Variants in KCNT2 observed in about 807,000 individuals in gnomAD.
KCNT2 encodes the protein potassium channel subfamily T member 2.
In KCNT2, 67 loss-of-function variants were observed where a neutral mutation model predicts 153.8. The observed-to-expected ratio is 0.44, with a 90% CI of 0.36 to 0.53. The LOEUF is 0.53. KCNT2 is among the 20% of genes least tolerant of loss of function. The pLI is 0.00. For missense variants in KCNT2, 975 were observed against 1,354.8 expected, an observed-to-expected ratio of 0.72 and a Z score of 4.40; for synonymous variants, 500 against 458.8, an observed-to-expected ratio of 1.09 and a Z score of -1.15.
intron 1 of KCNT2, among the ~76,000 whole-genome samples, chr1:196,568,393 C>G (rs1481265455): frequency 6.6e-6 from 1 of 151,816 alleles, no homozygotes; most frequent in Admixed American, 6.6e-5. Flanking sequence ...GGAGATCGAG[C>G]CCATCCTGGC....
intron 8 of KCNT2, among the ~76,000 whole-genome samples, chr1:196,443,142 A>T (rs1160397363): frequency 6.6e-6 from 1 of 151,612 alleles, no homozygotes; most frequent in Non-Finnish European, 1.5e-5. Flanking sequence ...GGATTGCTCA[A>T]AAGAATGAGC....
At chr1:196,535,413 G>A (rs1054566674) in intron 1 of KCNT2, among the ~76,000 whole-genome samples, 2 of 152,164 alleles carry the variant, frequency 1.3e-5, no homozygotes, top group Non-Finnish European at 2.9e-5. Context: ...CAAGATGCCT[G>A]GATCTGCTAA....
chr1:196,508,189 CAAAAAA>C (rs10539910), intron 1 of KCNT2, among the ~76,000 whole-genome samples: 7 of 59,976 alleles, frequency 1.2e-4, no homozygotes, highest in African/African-American at 4.8e-4. Context: ...CCCTAAGTAG[CAAAAAA>C]AAAAAAAAAA....
intron 25 of KCNT2, among the ~76,000 whole-genome samples, chr1:196,269,159 T>C (rs974599226): frequency 3.9e-5 from 6 of 152,166 alleles, no homozygotes; most frequent in Non-Finnish European, 7.3e-5. Context: ...ATGGAATTAA[T>C]GTAAGTGTGA....
intron 1 of KCNT2, among the ~76,000 whole-genome samples, chr1:196,496,909 C>A (rs1680305454): frequency 6.6e-6 from 1 of 152,188 alleles, no homozygotes; most frequent in Admixed American, 6.5e-5. Flanking sequence ...AATGTGCAAA[C>A]TGCACACAGA....
intron 1 of KCNT2, among the ~76,000 whole-genome samples, chr1:196,566,309 G>C (rs569031716): frequency 5.8e-4 from 88 of 152,104 alleles, no homozygotes; most frequent in African/African-American, 2.0e-3. Flanking sequence ...GAATAAAGCA[G>C]TTTGAGTGAT....
chr1:196,419,517 C>A (rs1021717443), intron 12 of KCNT2, among the ~76,000 whole-genome samples: 1 of 151,572 alleles, frequency 6.6e-6, no homozygotes, highest in African/African-American at 2.4e-5. Flanking sequence ...ATGAACTCAT[C>A]ATTCTTTATG....
At chr1:196,329,455 A>T (rs916523819) in intron 18 of KCNT2, among the ~76,000 whole-genome samples, 1 of 152,028 alleles carries the variant, frequency 6.6e-6, no homozygotes, top group African/African-American at 2.4e-5. Flanking sequence ...TTAGCTTTTC[A>T]GTTAGATTGG....
chr1:196,563,338 T>G (rs1000554618), intron 1 of KCNT2, among the ~76,000 whole-genome samples: 1 of 150,150 alleles, frequency 6.7e-6, no homozygotes, highest in Non-Finnish European at 1.5e-5. Context: ...TGTTGGGGAG[T>G]GACTGTGTTA....
intron 1 of KCNT2, among the ~76,000 whole-genome samples, chr1:196,605,386 G>T (rs1665203777): frequency 6.6e-6 from 1 of 152,194 alleles, no homozygotes; most frequent in Non-Finnish European, 1.5e-5. Context: ...TGGACACAGT[G>T]TAGAACATGC....
chr1:196,480,855 C>CAAAAAAAAA (rs372270510), intron 4 of KCNT2, among the ~76,000 whole-genome samples: 7 of 26,904 alleles, frequency 2.6e-4, no homozygotes, highest in South Asian at 2.5e-3. Flanking sequence ...GACTTCGTCT[C>CAAAAAAAAA]AAAAAAAAAA....
chr1:196,416,609 T>C (rs1358589820), intron 12 of KCNT2, among the ~76,000 whole-genome samples: 1 of 152,020 alleles, frequency 6.6e-6, no homozygotes, highest in African/African-American at 2.4e-5. Context: ...CCAACAGCTG[T>C]TGAGTTCTAC....
intron 17 of KCNT2, among the ~76,000 whole-genome samples, chr1:196,332,968 A>G (rs986541751): frequency 6.6e-6 from 1 of 151,804 alleles, no homozygotes; most frequent in Non-Finnish European, 1.5e-5. Context: ...TATTTTTAGT[A>G]AAGTTTGAGA....
At chr1:196,537,955 C>T (rs2148865163) in intron 1 of KCNT2, among the ~76,000 whole-genome samples, 1 of 152,278 alleles carries the variant, frequency 6.6e-6, no homozygotes, top group East Asian at 1.9e-4. Flanking sequence ...AGCTGGGCCT[C>T]CAGGTGCCCT....
intron 21 of KCNT2, among the ~76,000 whole-genome samples, chr1:196,314,256 A>T (rs1163425113): frequency 1.3e-5 from 2 of 151,564 alleles, no homozygotes; most frequent in African/African-American, 2.4e-5. Flanking sequence ...AATTAAAAAG[A>T]CCTAGGATCC....
At chr1:196,328,946 CAGAA>C (rs1449363540) in intron 18 of KCNT2, among the ~76,000 whole-genome samples, 2 of 152,058 alleles carry the variant, frequency 1.3e-5, no homozygotes, top group South Asian at 4.2e-4. Context: ...TAAAGTCACT[CAGAA>C]AGAGATCATG....
intron 26 of KCNT2, among the ~76,000 whole-genome samples, chr1:196,250,217 A>G (rs187183426): frequency 1.3e-4 from 20 of 152,288 alleles, no homozygotes; most frequent in Admixed American, 1.2e-3. Context: ...TAAAGTAACT[A>G]AAGCAGCATG....
At chr1:196,523,985 A>G (rs567134196) in intron 1 of KCNT2, among the ~76,000 whole-genome samples, 6 of 152,156 alleles carry the variant, frequency 3.9e-5, no homozygotes, top group Non-Finnish European at 7.3e-5. Context: ...TGCACCTGAC[A>G]CAGATCAGAT....
intron 25 of KCNT2, among the ~76,000 whole-genome samples, chr1:196,266,220 C>T (rs773086304): frequency 9.2e-5 from 14 of 152,212 alleles, no homozygotes; most frequent in African/African-American, 2.9e-4. Flanking sequence ...TTTCCTGAGA[C>T]GCACCCATTG....
Sources: gnomAD v4.1 joint callset for allele counts (sites outside exome capture counted in the v4.1 genomes callset) on GRCh38, gnomAD v4.1.1 for gene constraint, MANE v1.5 for transcripts, NCBI Gene and HGNC (gene_info 2026-07-23, HGNC 2026-07-21) for gene names.